Variants in MCFD2 observed in about 807,000 individuals in gnomAD.
MCFD2 encodes the protein multiple coagulation factor deficiency protein 2.
Under a neutral mutation model 12.8 loss-of-function variants are expected in MCFD2, and 11 were observed. The ratio of observed to expected loss-of-function variants is 0.86; its 90% CI spans 0.54 to 1.42. MCFD2 has a LOEUF of 1.42. MCFD2 is among the 40% of genes most tolerant of loss of function. The pLI is 0.00. For missense variants in MCFD2, 191 were observed against 178.6 expected (o/e 1.07, Z -0.40); for synonymous variants, 70 against 68.1 (o/e 1.03, Z -0.14).
intron 1 of MCFD2, among the ~76,000 whole-genome samples, chr2:46,925,946 C>A (rs920212168): frequency 6.6e-6 from 1 of 152,132 alleles, no homozygotes; most frequent in Admixed American, 6.6e-5. Context: ...CAGCTAAGAT[C>A]TTATTTTTTG....
chr2:46,922,114 G>A (rs78786163), intron 1 of MCFD2, among the ~76,000 whole-genome samples: 20 of 152,274 alleles, frequency 1.3e-4, no homozygotes, highest in African/African-American at 4.3e-4. Context: ...TCTGTGAAGC[G>A]TGCCCTTGAG....
Position 46,941,806 on chromosome 2 carries a change from C to A in MCFD2, c.-242G>T. On this transcript the variant is annotated 5_prime_UTR_variant, in exon 1 of 3. Coordinates refer to the MCFD2 transcript ENST00000409147. This position sits in a 1 kb window ranked among gnomAD's most constrained non-coding sequence, Gnocchi z 4.2. ...CCTCCAGGAAGCGCGCCCAGACAGT[C>A]CTCGGCCGACAGCGGGCGCCTGCCA... The A allele has an allele frequency of 6.6e-7, 1 of 1,515,744 alleles. No individual in the cohort carries two copies. The highest frequency in any genetic ancestry group is 1.2e-5 in the South Asian group (1 of 81,626). The allele number at this position is 1,515,744 out of a possible 1,614,324, so 93.9% of individuals were successfully genotyped here.
Position 46,941,760 on chromosome 2 carries a change from A to G in MCFD2, c.-196T>C. The stretch of plus-strand genomic sequence containing the variant: ...GGAAGAGGCTGGCTCGCCGGCAGCG[A>G]GCGCGCGAAACGCACCGCCTCCTCC... On this transcript the variant is annotated 5_prime_UTR_variant, in exon 1 of 3. Transcript: ENST00000409147. The surrounding 1 kb of genome is among the most constrained non-coding windows in gnomAD (Gnocchi z 4.2). 1 of 1,546,744 alleles carries G rather than the reference A, an allele frequency of 6.5e-7. No homozygotes were observed. Among genetic ancestry groups the G allele is most frequent in the African/African-American group, 1.4e-5 (1 of 73,016 alleles).
At chr2:46,923,339 C>T (rs1352221007) in intron 1 of MCFD2, among the ~76,000 whole-genome samples, 1 of 150,664 alleles carries the variant, frequency 6.6e-6, no homozygotes, top group Non-Finnish European at 1.5e-5. Flanking sequence ...TTGGTCTTTC[C>T]AGTAAAGAGC....
At chr2:46,920,484 C>G (rs1669045997), upstream of MCFD2, among the ~76,000 whole-genome samples, 1 of 151,990 alleles carries the variant, frequency 6.6e-6, no homozygotes, top group Non-Finnish European at 1.5e-5. Flanking sequence ...CAACAACCAC[C>G]ACGCCCAGCT....
Position 46,941,440 on chromosome 2 carries a change from GC to G in MCFD2, c.-8+131del. The G allele has an allele frequency of 7.8e-7, 1 of 1,275,606 alleles. No individual in the cohort carries two copies. 79.0% of individuals were successfully genotyped at this position (1,275,606 alleles called of 1,614,324 possible). On this transcript the variant is annotated intron_variant, in intron 1 of 2. Transcript: ENST00000409147. The surrounding 1 kb of genome is among the most constrained non-coding windows in gnomAD (Gnocchi z 4.2). ...CGCCCGGGCCCCGGCTGCCGTCTGC[GC>G]CCCCGTCGACCCCGCCCGCGAGTGC...
At chr2:46,916,263 G>A (rs192622062), upstream of MCFD2, 48 of 759,746 alleles carry the variant, frequency 6.3e-5, 1 homozygote, top group Admixed American at 1.8e-3. Flanking sequence ...ACCACAACAC[G>A]CTGGAGCCGG....
In MCFD2 at chr2:46,932,693, G is replaced by A. The variant is rs904855523; in HGVS notation, c.-8+8879C>T. Among the ~76,000 whole-genome samples, 5 of 152,028 alleles carry A rather than the reference G, an allele frequency of 3.3e-5. No homozygotes were observed. In the East Asian group the frequency reaches 5.8e-4, roughly 18 times the overall value. Reference sequence around the variant, plus strand: ...AGATGGGTGGATCACCTGAGTTTAGGAGTTCGAGACCAGTTTGGCCAACAA... The same window carrying A: ...AGATGGGTGGATCACCTGAGTTTAGAAGTTCGAGACCAGTTTGGCCAACAA... On this transcript the variant is annotated intron_variant, in intron 1 of 2. Transcript: ENST00000409147.
Position 46,908,800 on chromosome 2 carries a change from T to C in MCFD2, c.149+223A>G. 1 of 602,172 alleles carries C rather than the reference T, an allele frequency of 1.7e-6. No individual in the cohort carries two copies. Among genetic ancestry groups the C allele is most frequent in the Non-Finnish European group, 2.9e-6 (1 of 340,974 alleles). 37.3% of individuals were successfully genotyped at this position (602,172 alleles called of 1,614,324 possible). On this transcript the variant is annotated intron_variant, in intron 2 of 3. Transcript: ENST00000319466. This position sits in a 1 kb window ranked among gnomAD's most constrained non-coding sequence, Gnocchi z 4.5. ...AAAGGAGAGACCGGATTCAGACAAG[T>C]AATGTGCCCCATTTGGGCCTAAAGA...
At chr2:46,933,295 G>A (rs542350618) in intron 1 of MCFD2, among the ~76,000 whole-genome samples, 2 of 152,248 alleles carry the variant, frequency 1.3e-5, no homozygotes, top group African/African-American at 4.8e-5. Context: ...CAATCATGAA[G>A]TGAGTGGCTG....
In MCFD2 at chr2:46,909,136, C is replaced by T. The variant is rs766286526; in HGVS notation, c.36G>A (p.Leu12=). The change falls in exon 2 of 4, where the codon CTG becomes CTA. Residue 12 remains leucine (L), a synonymous_variant. Transcript: ENST00000319466. ...CACAAAAGGCCCAGAGCAGGCCACA[C>T]AGGAAGGGGGTTCTGAGCAGGGATC... ...TMRSLLRTPF[L]CGLLWAFCAP... The T allele has an allele frequency of 1.2e-6, 2 of 1,614,078 alleles. No individual in the cohort carries two copies. The highest frequency in any genetic ancestry group is 1.7e-6 in the Non-Finnish European group (2 of 1,180,026).
At chr2:46,915,949 C>T, upstream of MCFD2, 1 of 985,428 alleles carries the variant, frequency 1.0e-6, no homozygotes, top group Non-Finnish European at 1.2e-6. Context: ...GGCCCGGGCC[C>T]AGCACTGGCG....
At chr2:46,917,349 T>C, upstream of MCFD2, 1 of 601,970 alleles carries the variant, frequency 1.7e-6, no homozygotes, top group South Asian at 2.0e-5. Context: ...CCCATTCTTC[T>C]TTCCTTACTC....
intron 1 of MCFD2, among the ~76,000 whole-genome samples, chr2:46,927,295 TTAAAA>T (rs1285695404): frequency 2.0e-5 from 3 of 150,900 alleles, no homozygotes; most frequent in African/African-American, 7.3e-5. Context: ...GCTAAGCACA[TTAAAA>T]TAAGTCTGTA....
chr2:46,919,961 A>G (rs568417549), upstream of MCFD2, among the ~76,000 whole-genome samples: 5 of 152,268 alleles, frequency 3.3e-5, no homozygotes, highest in South Asian at 1.0e-3. Flanking sequence ...CATATTTCTG[A>G]TAAGGGTGAA....
chr2:46,932,659 G>A (rs761605088), intron 1 of MCFD2, among the ~76,000 whole-genome samples: 3 of 152,064 alleles, frequency 2.0e-5, no homozygotes, highest in African/African-American at 4.8e-5. Flanking sequence ...CCAGCAATTT[G>A]GGAGGCCAAG....
At chr2:46,925,879 T>G (rs1333570173) in intron 1 of MCFD2, among the ~76,000 whole-genome samples, 1 of 152,334 alleles carries the variant, frequency 6.6e-6, no homozygotes, top group South Asian at 2.1e-4. Flanking sequence ...GATTCCTTTC[T>G]TAAAAACCAT....
chr2:46,904,874 A>C lies in MCFD2; in HGVS notation c.*589T>G. 1.1e-5 allele frequency: 2 copies of C among 177,924 alleles called. No individual in the cohort carries two copies. The highest frequency in any genetic ancestry group is 1.5e-4 in the East Asian group (1 of 6,666). 11.0% of individuals were successfully genotyped at this position (177,924 alleles called of 1,614,324 possible). On this transcript the variant is annotated 3_prime_UTR_variant, in exon 4 of 4. Coordinates refer to ENST00000319466, the MANE Select transcript of MCFD2 (RefSeq NM_139279.6). ...TTGGAGGGGCCAGGGGTAGAATGAT[A>C]TGGTTTGGCTATGTCCCCACCCAAA...
In MCFD2 at chr2:46,915,805, C is replaced by CGGGG; in HGVS notation, c.-90_-89insCCCC. The CGGGG allele has an allele frequency of 1.2e-4, 44 of 368,262 alleles. No homozygotes were observed. Among genetic ancestry groups the CGGGG allele is most frequent in the Non-Finnish European group, 1.3e-4 (43 of 327,144 alleles). 22.8% of individuals were successfully genotyped at this position (368,262 alleles called of 1,614,324 possible). ...TCCCCAAAACGCTCTTCCTCGGCTT[C>CGGGG]GCCCCGCCCCCCCCCCCCCCCCGAC... On this transcript the variant is annotated 5_prime_UTR_variant, in exon 1 of 4. Transcript: ENST00000319466.
Sources: allele counts gnomAD v4.1 joint callset (sites outside exome capture counted in the v4.1 genomes callset), GRCh38; gene constraint gnomAD v4.1.1; non-coding constraint Gnocchi (gnomAD v3.1); transcripts MANE v1.5; gene names NCBI Gene and HGNC (gene_info 2026-07-23, HGNC 2026-07-21).